GABPB1: variants seen among roughly 807,000 people sequenced by gnomAD.
The protein encoded by GABPB1 is GA-binding protein subunit beta-1.
Under a neutral mutation model 45.9 loss-of-function variants are expected in GABPB1, and 15 were observed. The ratio of observed to expected loss-of-function variants is 0.33; its 90% confidence interval spans 0.22 to 0.50. GABPB1 has a LOEUF of 0.50. Among genes scored for constraint, GABPB1 ranks in the 20% least tolerant of loss-of-function variants. The pLI is 0.98. For synonymous variants in GABPB1, 143 were observed against 154.4 expected, an observed-to-expected ratio of 0.93 and a Z score of 0.55; for missense variants, 252 against 457.5, an observed-to-expected ratio of 0.55 and a Z score of 4.10.
intron 6 of GABPB1, among the ~76,000 whole-genome samples, chr15:50,292,314 C>CAAA (rs762047613): frequency 1.0e-4 from 5 of 49,496 alleles, no homozygotes; most frequent in Non-Finnish European, 1.5e-4. Context: ...GACTCCATCT[C>CAAA]AAAAAAAAAA....
intron 1 of GABPB1, among the ~76,000 whole-genome samples, chr15:50,328,414 G>GT (rs987792928): frequency 1.3e-5 from 2 of 151,764 alleles, no homozygotes; most frequent in Admixed American, 6.6e-5. Flanking sequence ...CTCATACTGA[G>GT]TTTTTTTTAT....
At chr15:50,301,715 C>T (rs1005421024) in intron 4 of GABPB1, among the ~76,000 whole-genome samples, 1 of 152,066 alleles carries the variant, frequency 6.6e-6, no homozygotes, top group Non-Finnish European at 1.5e-5. Flanking sequence ...AGTGGTTAAG[C>T]CCAGGAGTTC....
At chr15:50,342,324 C>CTT (rs71124343) in intron 1 of GABPB1, among the ~76,000 whole-genome samples, 24 of 147,346 alleles carry the variant, frequency 1.6e-4, no homozygotes, top group Admixed American at 7.5e-4. Context: ...GGATTGATCT[C>CTT]TTTTTTTTTT....
At chr15:50,282,103 G>A (rs928710231) in intron 8 of GABPB1, among the ~76,000 whole-genome samples, 7 of 152,232 alleles carry the variant, frequency 4.6e-5, no homozygotes, top group African/African-American at 1.7e-4. Context: ...AGGCTGTGAG[G>A]TGGGAGGATT....
chr15:50,338,662 C>T (rs1360926089), intron 1 of GABPB1, among the ~76,000 whole-genome samples: 6 of 151,906 alleles, frequency 3.9e-5, no homozygotes, highest in East Asian at 1.9e-4. Flanking sequence ...TTTGTAGAGA[C>T]GGGGCTTCAC....
At chr15:50,307,409 G>A (rs1225999111) in intron 2 of GABPB1, among the ~76,000 whole-genome samples, 1 of 151,940 alleles carries the variant, frequency 6.6e-6, no homozygotes, top group African/African-American at 2.4e-5. Context: ...CTAACCCATG[G>A]GAATTCCTTA....
At chr15:50,283,532 C>A (rs1040802991) in intron 8 of GABPB1, among the ~76,000 whole-genome samples, 5 of 136,962 alleles carry the variant, frequency 3.7e-5, no homozygotes, top group Admixed American at 1.5e-4. Context: ...TTTTTTTTTT[C>A]TTTTGTCTCA....
At chr15:50,336,513 AAT>A (rs2048133121) in intron 1 of GABPB1, among the ~76,000 whole-genome samples, 3 of 151,384 alleles carry the variant, frequency 2.0e-5, no homozygotes, top group African/African-American at 7.3e-5. Context: ...TCTACAAAAA[AAT>A]TTAAAAAAAT....
At chr15:50,299,042 G>A (rs1301205498) in intron 6 of GABPB1, among the ~76,000 whole-genome samples, 1 of 151,712 alleles carries the variant, frequency 6.6e-6, no homozygotes, top group Admixed American at 6.6e-5. Flanking sequence ...GAATATTACA[G>A]TAATATCCAC....
At chr15:50,349,486 A>C (rs1206724300) in intron 1 of GABPB1, 1 of 152,202 alleles carries the variant, frequency 6.6e-6, no homozygotes, top group East Asian at 1.9e-4. Flanking sequence ...AGCCACGGAG[A>C]GATTAAGTAA....
chr15:50,320,713 T>G (rs1358858117), intron 1 of GABPB1, among the ~76,000 whole-genome samples: 1 of 152,094 alleles, frequency 6.6e-6, no homozygotes, highest in Non-Finnish European at 1.5e-5. Flanking sequence ...TCACAAGACT[T>G]CTTATAAGAG....
At position 50,278,557 on chromosome 15, in the gene GABPB1, T is replaced by C. The variant is rs2045884101; in HGVS notation, c.*75A>G. 1 of 1,216,462 alleles carries C rather than the reference T, an allele frequency of 8.2e-7. No individual in the cohort carries two copies. The highest frequency in any genetic ancestry group is 1.5e-5 in the African/African-American group (1 of 65,432). 75.4% of individuals were successfully genotyped at this position (1,216,462 alleles called of 1,614,324 possible). On this transcript the variant is annotated 3_prime_UTR_variant, in exon 9 of 9. Coordinates refer to ENST00000380877, the MANE Select transcript of GABPB1 (RefSeq NM_016654.5). ...CTATCATTCTGTATTCCCATGGCTG[T>C]ACCTTTGTTGTGTACAGTTCAAGAT... is the stretch of plus-strand genomic sequence containing the variant.
At chr15:50,346,404 G>A (rs2048579905) in intron 1 of GABPB1, 1 of 152,068 alleles carries the variant, frequency 6.6e-6, no homozygotes, top group South Asian at 2.1e-4. Flanking sequence ...ACCTGTGAGG[G>A]AAAACAGAAG....
intron 6 of GABPB1, among the ~76,000 whole-genome samples, chr15:50,296,973 C>T (rs2046538779): frequency 7.0e-6 from 1 of 142,474 alleles, no homozygotes; most frequent in Non-Finnish European, 1.5e-5. Context: ...CACAGTGGCA[C>T]AATCTTGGCT....
intron 1 of GABPB1, among the ~76,000 whole-genome samples, chr15:50,348,039 T>G (rs577745498): frequency 3.9e-5 from 1 of 25,422 alleles, no homozygotes; most frequent in East Asian, 4.5e-4. Flanking sequence ...TGAAACTCCA[T>G]CTGGAAAAAA....
intron 1 of GABPB1, among the ~76,000 whole-genome samples, chr15:50,330,991 C>G (rs2047929664): frequency 6.6e-6 from 1 of 152,078 alleles, no homozygotes; most frequent in South Asian, 2.1e-4. Flanking sequence ...TTACAAAAGG[C>G]CTCTCTGAGG....
chr15:50,342,499 G>A (rs1275186858), intron 1 of GABPB1, among the ~76,000 whole-genome samples: 2 of 152,016 alleles, frequency 1.3e-5, no homozygotes, highest in African/African-American at 4.8e-5. Context: ...AAAATTAAAG[G>A]CAAGATCTTT....
At chr15:50,311,317 G>C (rs1414689756) in intron 1 of GABPB1, among the ~76,000 whole-genome samples, 1 of 152,060 alleles carries the variant, frequency 6.6e-6, no homozygotes, top group Admixed American at 6.5e-5. Flanking sequence ...ATGGGGAAGG[G>C]AATATATGGA....
chr15:50,289,420 T>C, intron 7 of GABPB1, 63 bp downstream of exon 7: 3 of 1,080,904 alleles, frequency 2.8e-6, no homozygotes, highest in South Asian at 1.7e-5. Context: ...CAGGGAAGAC[T>C]TAAAGAAAAT....
Sources: gnomAD v4.1 joint callset for allele counts (sites outside exome capture counted in the v4.1 genomes callset) on GRCh38, gnomAD v4.1.1 for gene constraint, MANE v1.5 for transcripts, NCBI Gene and HGNC (gene_info 2026-07-23, HGNC 2026-07-21) for gene names.